RAPGEF4: variants seen among roughly 807,000 people sequenced by gnomAD.
RAPGEF4 encodes RAP guanine-nucleotide-exchange factor (GEF) 4.
Under a neutral mutation model 147.9 loss-of-function variants are expected in RAPGEF4, and 66 were observed. The observed-to-expected ratio is 0.45, with a 90% CI of 0.37 to 0.55. The LOEUF (loss-of-function observed/expected upper bound fraction) is 0.55, where lower values mean the gene tolerates loss of function less well. RAPGEF4 is among the 20% of genes least tolerant of loss of function. The pLI is 0.00. For missense variants in RAPGEF4, 1,071 were observed against 1,257.3 expected (o/e 0.85, Z 2.24); for synonymous variants, 419 against 442.7 (o/e 0.95, Z 0.67).
Position 172,768,103 on chromosome 2 carries a change from C to T in RAPGEF4, c.66-26922C>T, listed in dbSNP as rs562258938. ...CTAGGATTACAGGCATGAGCCACCGCGCCTGGCCTGATTCATGTTTTGATG... is the reference window on the plus strand; with the variant it reads ...CTAGGATTACAGGCATGAGCCACCGTGCCTGGCCTGATTCATGTTTTGATG... On this transcript the variant is annotated intron_variant, in intron 1 of 30. Coordinates refer to ENST00000397081, the MANE Select transcript of RAPGEF4 (RefSeq NM_007023.4). 1.2e-4 allele frequency among the ~76,000 whole-genome samples: 19 copies of T among 152,242 alleles called. No individual in the cohort carries two copies. In the South Asian group the frequency reaches 2.5e-3, roughly 20 times the overall value.
At chr2:172,952,412 G>A (rs987773979) in intron 6 of RAPGEF4, among the ~76,000 whole-genome samples, 1 of 152,214 alleles carries the variant, frequency 6.6e-6, no homozygotes, top group Admixed American at 6.5e-5. Context: ...TGTAAAAGGA[G>A]GAGGGAACAG....
chr2:172,852,496 C>A (rs545439465), intron 4 of RAPGEF4, among the ~76,000 whole-genome samples: 1 of 152,266 alleles, frequency 6.6e-6, no homozygotes, highest in East Asian at 1.9e-4. Context: ...ATCCTTCTAA[C>A]AACTATATGA....
chr2:172,959,051 C>T (rs956209732), intron 6 of RAPGEF4, among the ~76,000 whole-genome samples: 11 of 152,118 alleles, frequency 7.2e-5, no homozygotes, highest in Non-Finnish European at 1.2e-4. Context: ...CTTCTATTTG[C>T]AAACAGTAGG....
At chr2:172,871,589 A>G (rs1188969693) in intron 4 of RAPGEF4, among the ~76,000 whole-genome samples, 2 of 151,982 alleles carry the variant, frequency 1.3e-5, no homozygotes, top group Non-Finnish European at 2.9e-5. Flanking sequence ...GACCTCACTA[A>G]AAGGGATATT....
chr2:172,879,839 A>T (rs1385922504), intron 4 of RAPGEF4, among the ~76,000 whole-genome samples: 1 of 152,202 alleles, frequency 6.6e-6, no homozygotes. Context: ...TTAAGCGTAT[A>T]TAAAAATAGG....
chr2:172,817,924 A>G (rs1688671618), intron 4 of RAPGEF4, among the ~76,000 whole-genome samples: 1 of 147,534 alleles, frequency 6.8e-6, no homozygotes, highest in Non-Finnish European at 1.5e-5. Context: ...TATAATATAC[A>G]TATTACAATT....
intron 4 of RAPGEF4, among the ~76,000 whole-genome samples, chr2:172,823,272 G>A (rs1279829158): frequency 6.6e-6 from 1 of 152,208 alleles, no homozygotes; most frequent in Non-Finnish European, 1.5e-5. Context: ...CACAGAAAAG[G>A]GGCTGGGCTT....
intron 4 of RAPGEF4, among the ~76,000 whole-genome samples, chr2:172,819,600 G>A (rs1269932720): frequency 1.3e-5 from 2 of 148,852 alleles, no homozygotes; most frequent in Admixed American, 6.7e-5. Context: ...CAAGTAGCTG[G>A]GACTACAGGC....
intron 6 of RAPGEF4, among the ~76,000 whole-genome samples, chr2:172,939,537 C>T (rs560079609): frequency 3.3e-5 from 5 of 152,186 alleles, no homozygotes; most frequent in African/African-American, 1.2e-4. Flanking sequence ...GATACAAGTC[C>T]TTTATCAGAT....
chr2:172,958,023 A>G (rs143342274), intron 6 of RAPGEF4, among the ~76,000 whole-genome samples: 2 of 152,364 alleles, frequency 1.3e-5, no homozygotes, highest in African/African-American at 4.8e-5. Flanking sequence ...TAAAACATGC[A>G]ATCTTCAAAT....
intron 10 of RAPGEF4, among the ~76,000 whole-genome samples, chr2:172,970,965 G>A (rs772021795): frequency 1.3e-5 from 2 of 152,184 alleles, no homozygotes; most frequent in Non-Finnish European, 2.9e-5. Context: ...TGTTGTTGTA[G>A]CTCTGAGACA....
chr2:172,834,715 C>T (rs1690734487), intron 4 of RAPGEF4, among the ~76,000 whole-genome samples: 1 of 152,062 alleles, frequency 6.6e-6, no homozygotes. Context: ...GAAATCTGAA[C>T]CAAACAAATG....
chr2:172,880,232 G>A (rs926555757), intron 4 of RAPGEF4, among the ~76,000 whole-genome samples: 18 of 152,296 alleles, frequency 1.2e-4, no homozygotes, highest in African/African-American at 4.1e-4. Context: ...AGTGCTCCGC[G>A]CTCTGGGGAG....
chr2:172,739,328 CT>C (rs551112130), intron 1 of RAPGEF4, among the ~76,000 whole-genome samples: 4,044 of 143,208 alleles, frequency 0.028, 63 homozygotes, highest in South Asian at 0.046. Context: ...AATGTCCTTT[CT>C]TTTTTTTTTT....
intron 1 of RAPGEF4, among the ~76,000 whole-genome samples, chr2:172,746,440 G>A (rs543906852): frequency 6.6e-6 from 1 of 152,084 alleles, no homozygotes; most frequent in Non-Finnish European, 1.5e-5. Context: ...ACAGAACATA[G>A]CCCCTCTAAT....
intron 4 of RAPGEF4, among the ~76,000 whole-genome samples, chr2:172,917,295 C>T (rs548649253): frequency 1.3e-5 from 2 of 152,220 alleles, no homozygotes; most frequent in East Asian, 1.9e-4. Flanking sequence ...GGCAGGTGTA[C>T]GATGTAAAAG....
chr2:172,960,861 G>A (rs535834843), intron 7 of RAPGEF4, 48 bp downstream of exon 7: 25 of 1,474,166 alleles, frequency 1.7e-5, no homozygotes, highest in Non-Finnish European at 2.3e-5. Flanking sequence ...AGCTTCTTAA[G>A]TACCTCTGGA....
intron 3 of RAPGEF4, among the ~76,000 whole-genome samples, chr2:172,805,480 C>A (rs1018941983): frequency 2.6e-5 from 4 of 152,124 alleles, no homozygotes; most frequent in African/African-American, 9.7e-5. Context: ...TACCACTATG[C>A]GTAATTATCA....
At chr2:172,945,186 C>A (rs1439708103) in intron 6 of RAPGEF4, among the ~76,000 whole-genome samples, 4 of 152,028 alleles carry the variant, frequency 2.6e-5, no homozygotes, top group Non-Finnish European at 1.5e-5. Flanking sequence ...GTTTAGGGAA[C>A]CTGGTTTATG....
Sources: allele counts gnomAD v4.1 joint callset (sites outside exome capture counted in the v4.1 genomes callset), GRCh38; gene constraint gnomAD v4.1.1; transcripts MANE v1.5; gene names NCBI Gene and HGNC (gene_info 2026-07-23, HGNC 2026-07-21).